The following CNTNAP2 variants were observed in gnomAD, a reference collection of about 807,000 sequenced individuals.
CNTNAP2 encodes the protein contactin associated protein 2, also known as contactin-associated protein-like 2.
CNTNAP2 carries 98 observed loss-of-function variants against 155.2 expected under a neutral mutation model. The ratio of observed to expected loss-of-function variants is 0.63; its 90% CI spans 0.54 to 0.75. The LOEUF (loss-of-function observed/expected upper bound fraction) is 0.75. CNTNAP2 is among the 30% of genes least tolerant of loss of function. The pLI is 0.00. For synonymous variants in CNTNAP2, 651 were observed against 631.2 expected (o/e 1.03, Z -0.47); for missense variants, 1,727 against 1,688.1 (o/e 1.02, Z -0.40).
At chr7:147,504,335 G>A (rs1798868772) in intron 11 of CNTNAP2, among the ~76,000 whole-genome samples, 1 of 152,082 alleles carries the variant, frequency 6.6e-6, no homozygotes, top group Non-Finnish European at 1.5e-5. Flanking sequence ...GGGCTCCCAA[G>A]GGGTCTTGGC....
chr7:146,978,698 A>G (rs754967151), intron 3 of CNTNAP2, among the ~76,000 whole-genome samples: 4 of 151,196 alleles, frequency 2.6e-5, no homozygotes, highest in African/African-American at 7.3e-5. Flanking sequence ...AGATAATAAG[A>G]TCATATATAT....
chr7:148,327,835 C>CA (rs2116549761), intron 21 of CNTNAP2, among the ~76,000 whole-genome samples: 1 of 152,298 alleles, frequency 6.6e-6, no homozygotes, highest in East Asian at 1.9e-4. Flanking sequence ...CAGATCCCCC[C>CA]ACTGCCCTGC....
At chr7:146,813,172 C>A (rs771239924) in intron 2 of CNTNAP2, among the ~76,000 whole-genome samples, 51 of 152,196 alleles carry the variant, frequency 3.4e-4, no homozygotes, top group Non-Finnish European at 1.9e-4. Flanking sequence ...TGGGGCACTG[C>A]CTAGTGGAGT....
chr7:147,486,313 C>T (rs1798510708), intron 11 of CNTNAP2, among the ~76,000 whole-genome samples: 1 of 151,702 alleles, frequency 6.6e-6, no homozygotes, highest in Non-Finnish European at 1.5e-5. Context: ...GAAGTCCAAA[C>T]TTGGATTCGC....
intron 12 of CNTNAP2, among the ~76,000 whole-genome samples, chr7:147,583,237 C>T (rs1255515094): frequency 6.6e-6 from 1 of 151,894 alleles, no homozygotes; most frequent in Non-Finnish European, 1.5e-5. Context: ...CTCTCTATGG[C>T]AGTTCCACAT....
At chr7:148,335,038 A>G (rs1798095118) in intron 21 of CNTNAP2, among the ~76,000 whole-genome samples, 1 of 152,198 alleles carries the variant, frequency 6.6e-6, no homozygotes, top group Admixed American at 6.5e-5. Flanking sequence ...CACTTAGCCA[A>G]ATTCCCTCTC....
At chr7:146,457,835 AATT>A (rs1263888744) in intron 1 of CNTNAP2, among the ~76,000 whole-genome samples, 3 of 151,874 alleles carry the variant, frequency 2.0e-5, no homozygotes, top group Non-Finnish European at 4.4e-5. Flanking sequence ...AATTTGCAAA[AATT>A]ATTATTTTTA....
In CNTNAP2 at chr7:148,057,287, G is replaced by A. The variant is rs78412527; in HGVS notation, c.2384-60831G>A. Among the ~76,000 whole-genome samples the A allele has an allele frequency of 1.1e-4, 17 of 152,322 alleles. No individual in the cohort carries two copies. The East Asian group carries it at 3.1e-3, about 28-fold the overall frequency. ...TATACAAGTAGCCGGGAGCTGCTGAGTGTCCCAGGTCTCCATGAGGATCAA... is the reference window on the plus strand; with the variant it reads ...TATACAAGTAGCCGGGAGCTGCTGAATGTCCCAGGTCTCCATGAGGATCAA... On this transcript the variant is annotated intron_variant, in intron 15 of 23. Transcript: ENST00000361727.
At chr7:148,097,807 G>A (rs528435927) in intron 15 of CNTNAP2, among the ~76,000 whole-genome samples, 14 of 152,200 alleles carry the variant, frequency 9.2e-5, no homozygotes, top group South Asian at 2.1e-4. Context: ...ATTCAGTGAC[G>A]TTCGGTAAGC....
At chr7:147,030,734 T>G (rs1382760337) in intron 3 of CNTNAP2, among the ~76,000 whole-genome samples, 2 of 152,124 alleles carry the variant, frequency 1.3e-5, no homozygotes, top group Non-Finnish European at 2.9e-5. Context: ...GAAGTTATAT[T>G]AAGGCCAGGC....
intron 13 of CNTNAP2, among the ~76,000 whole-genome samples, chr7:147,743,443 C>A (rs1311039224): frequency 6.6e-6 from 1 of 152,144 alleles, no homozygotes; most frequent in African/African-American, 2.4e-5. Flanking sequence ...TGCCCCAAAG[C>A]AAATTTGCTT....
chr7:148,109,197 C>T (rs1804287767), intron 15 of CNTNAP2, among the ~76,000 whole-genome samples: 1 of 152,154 alleles, frequency 6.6e-6, no homozygotes, highest in Non-Finnish European at 1.5e-5. Context: ...GTGCCTAGCA[C>T]TCTGCTAAAT....
At chr7:147,510,747 G>A (rs1371686157) in intron 11 of CNTNAP2, among the ~76,000 whole-genome samples, 3 of 149,538 alleles carry the variant, frequency 2.0e-5, no homozygotes, top group Non-Finnish European at 4.4e-5. Flanking sequence ...GGCTTGGTAG[G>A]TTAATATATG....
intron 11 of CNTNAP2, among the ~76,000 whole-genome samples, chr7:147,523,909 A>G (rs967817590): frequency 6.6e-5 from 10 of 152,108 alleles, no homozygotes; most frequent in Non-Finnish European, 1.0e-4. Context: ...CTTGCCCCTA[A>G]TACTCCTCTG....
intron 3 of CNTNAP2, among the ~76,000 whole-genome samples, chr7:146,985,340 G>A (rs919898415): frequency 2.6e-5 from 3 of 114,358 alleles, no homozygotes; most frequent in African/African-American, 4.1e-5. Context: ...TTTTTTTTGA[G>A]ACAGTCTTGC....
intron 13 of CNTNAP2, among the ~76,000 whole-genome samples, chr7:147,718,581 G>A (rs1248683178): frequency 6.6e-6 from 1 of 152,042 alleles, no homozygotes; most frequent in Non-Finnish European, 1.5e-5. Flanking sequence ...AGTTCAAAAA[G>A]CAGGATTTGA....
intron 10 of CNTNAP2, among the ~76,000 whole-genome samples, chr7:147,419,640 T>C (rs1245443387): frequency 6.6e-6 from 1 of 152,216 alleles, no homozygotes; most frequent in Non-Finnish European, 1.5e-5. Flanking sequence ...TTCCAGTTTC[T>C]TGGAAGCTTT....
At chr7:147,683,514 T>C (rs551612565) in intron 13 of CNTNAP2, among the ~76,000 whole-genome samples, 2 of 152,002 alleles carry the variant, frequency 1.3e-5, no homozygotes, top group South Asian at 4.1e-4. Context: ...CTTTAATCAA[T>C]ATTTCATTAA....
chr7:147,310,193 T>G (rs766404870), intron 9 of CNTNAP2, among the ~76,000 whole-genome samples: 2 of 152,280 alleles, frequency 1.3e-5, no homozygotes, highest in Non-Finnish European at 1.5e-5. Flanking sequence ...TATTGTGATA[T>G]TCTACATGCC....
Sources: gnomAD v4.1 joint callset for allele counts (sites outside exome capture counted in the v4.1 genomes callset) on GRCh38, gnomAD v4.1.1 for gene constraint, MANE v1.5 for transcripts, NCBI Gene and HGNC (gene_info 2026-07-23, HGNC 2026-07-21) for gene names.